The following FIBCD1 variants were observed in gnomAD, a reference collection of about 807,000 sequenced individuals.
FIBCD1 encodes fibrinogen C domain containing 1, also known as fibrinogen C domain-containing protein 1.
In FIBCD1, 47 loss-of-function variants were observed where a neutral mutation model predicts 45.1. That is an observed-to-expected ratio of 1.04 (90% CI 0.82 to 1.33). The LOEUF is 1.33. FIBCD1 is among the 40% of genes most tolerant of loss of function. The pLI, the probability that FIBCD1 is intolerant of heterozygous loss-of-function variation, is 0.00. For synonymous variants in FIBCD1, 313 were observed against 308.1 expected, an observed-to-expected ratio of 1.02 and a Z score of -0.17; for missense variants, 653 against 682.2, an observed-to-expected ratio of 0.96 and a Z score of 0.48.
Position 130,939,126 on chromosome 9 carries a change from G to A in FIBCD1, c.-519C>T, listed in dbSNP as rs1328884617. The A allele has an allele frequency of 1.3e-5, 2 of 152,080 alleles. No homozygotes were observed. Among genetic ancestry groups the A allele is most frequent in the Non-Finnish European group, 2.9e-5 (2 of 68,028 alleles). The allele number at this position is 152,080 out of a possible 1,614,324, so 9.4% of individuals were successfully genotyped here. A position where few individuals can be genotyped will look rare whatever the true frequency, so the allele number is the denominator to read the frequency against. On this transcript the variant is annotated 5_prime_UTR_variant, in exon 1 of 7. Coordinates refer to ENST00000372338, the MANE Select transcript of FIBCD1 (RefSeq NM_032843.5). ...CGGCCGGAGGGCAGCAAACAGCCGC[G>A]GGCGGCCCGGCTCCTGCTGGCTCCC...
Position 130,924,332 on chromosome 9 carries a change from G to A in FIBCD1, c.617C>T (p.Ala206Val), listed in dbSNP as rs1832320827. The A allele has an allele frequency of 6.2e-7, 1 of 1,608,262 alleles. No individual in the cohort carries two copies. The highest frequency in any genetic ancestry group is 1.7e-5 in the Admixed American group (1 of 59,560). Residue 206 changes from alanine (A) to valine (V), a missense_variant, in exon 3 of 7, where the codon GCC (alanine) becomes GTC (valine). Ala to Val is a moderately conservative substitution (Grantham distance 64). Transcript: ENST00000372338. ...GCCCAGCCCCCGGTCCCTCTGCAGG[G>A]CATCCAGGATGTCGCTGACGGAGTT... ...LVNSVSDILD[A>V]LQRDRGLGRP...
chr9:130,904,394 A>ACT, intron 6 of FIBCD1, 71 bp from the exon 7 acceptor site: 6 of 1,518,278 alleles, frequency 4.0e-6, no homozygotes, highest in Non-Finnish European at 5.3e-6. Context: ...ATGTGTGAGC[A>ACT]GACACCGAGA....
chr9:130,917,506 G>C (rs146671373), intron 4 of FIBCD1, among the ~76,000 whole-genome samples: 6 of 152,226 alleles, frequency 3.9e-5, no homozygotes, highest in Non-Finnish European at 5.9e-5. Context: ...AGCAGCCACC[G>C]ACGGCCCTGT....
chr9:130,928,176 T>C (rs564834852), intron 2 of FIBCD1, among the ~76,000 whole-genome samples: 1 of 152,294 alleles, frequency 6.6e-6, no homozygotes, highest in African/African-American at 2.4e-5. Flanking sequence ...TCAAACATTT[T>C]TGGGGAAGTA....
chr9:130,918,749 G>T lies in FIBCD1; in HGVS notation c.849+4995C>A, dbSNP rs1411729950. Among the ~76,000 whole-genome samples the T allele has an allele frequency of 2.0e-5, 3 of 152,332 alleles. 1 individual carries two copies. On this transcript the variant is annotated intron_variant, in intron 4 of 6. Coordinates refer to ENST00000372338, the MANE Select transcript of FIBCD1 (RefSeq NM_032843.5). ...ACCTCTGGGCAGTGCCCCCAGGGAG[G>T]CCTCTGGGCTCAGTCAGGAACAAGG...
chr9:130,906,708 G>T (rs1337562252), intron 5 of FIBCD1, among the ~76,000 whole-genome samples: 1 of 152,258 alleles, frequency 6.6e-6, no homozygotes, highest in African/African-American at 2.4e-5. Flanking sequence ...ATACACAAAA[G>T]GGCAGGTGGG....
At chr9:130,919,629 G>A (rs974665573) in intron 4 of FIBCD1, among the ~76,000 whole-genome samples, 3 of 152,184 alleles carry the variant, frequency 2.0e-5, no homozygotes, top group Non-Finnish European at 4.4e-5. Flanking sequence ...TCAGGTGGGG[G>A]GATGTGGGGG....
chr9:130,920,912 C>T (rs1430957864), intron 4 of FIBCD1, among the ~76,000 whole-genome samples: 2 of 152,224 alleles, frequency 1.3e-5, no homozygotes, highest in African/African-American at 2.4e-5. Context: ...CTGACCCCGG[C>T]TTGCTTTAGG....
At chr9:130,906,505 A>G (rs1831931629) in intron 5 of FIBCD1, among the ~76,000 whole-genome samples, 1 of 152,174 alleles carries the variant, frequency 6.6e-6, no homozygotes, top group African/African-American at 2.4e-5. Flanking sequence ...GGGAGGAGTC[A>G]CAGCAAAGCT....
chr9:130,907,601 A>T (rs1208970946), intron 5 of FIBCD1, among the ~76,000 whole-genome samples: 1 of 152,222 alleles, frequency 6.6e-6, no homozygotes, highest in Non-Finnish European at 1.5e-5. Context: ...AAACAACACT[A>T]GAAAAACAGA....
chr9:130,938,615 C>T lies in FIBCD1; in HGVS notation c.-8G>A, dbSNP rs1211699979. ...CCACCGGTCGTTGACCATCTTCCGG[C>T]AGGACTGGCGGGGGCGCCGGGCGAG... On this transcript the variant is annotated 5_prime_UTR_variant, in exon 1 of 7. Coordinates refer to ENST00000372338, the MANE Select transcript of FIBCD1 (RefSeq NM_032843.5). 1 of 1,448,006 alleles carries T rather than the reference C, an allele frequency of 6.9e-7. No homozygotes were observed. Among genetic ancestry groups the T allele is most frequent in the Non-Finnish European group, 9.1e-7 (1 of 1,099,954 alleles). The allele number at this position is 1,448,006 out of a possible 1,614,324, so 89.7% of individuals were successfully genotyped here.
intron 4 of FIBCD1, among the ~76,000 whole-genome samples, chr9:130,913,636 G>A (rs1832106511): frequency 6.6e-6 from 1 of 152,246 alleles, no homozygotes. Flanking sequence ...CGGGGTGGAA[G>A]GAAATTCGAT....
In FIBCD1 at chr9:130,932,960, C is replaced by T. The variant is rs535884449; in HGVS notation, c.73-2914G>A. 7.4e-4 allele frequency among the ~76,000 whole-genome samples: 112 copies of T among 152,310 alleles called. No individual in the cohort carries two copies. In the Middle Eastern group the frequency reaches 0.014, roughly 19 times the overall value. ...TGTAGCATTAAGGTCCCCTGGCGGG[C>T]GAGGCTGGGGCTGGCGTGGCAGAGA... On this transcript the variant is annotated intron_variant, in intron 1 of 6. Transcript: ENST00000372338.
chr9:130,930,065 C>A lies in FIBCD1; in HGVS notation c.73-19G>T. ...TCGGCCGCTGCAGGCCCGCCCGGGA[C>A]GCACAGACACAGACAGACAGACGGG... On this transcript the variant is annotated intron_variant, in intron 1 of 6. Transcript: ENST00000372338. 6.7e-7 allele frequency: 1 copy of A among 1,498,368 alleles called. No homozygotes were observed. 92.8% of individuals were successfully genotyped at this position (1,498,368 alleles called of 1,614,324 possible). A position where few individuals can be genotyped will look rare whatever the true frequency, so the allele number is the denominator to read the frequency against.
At chr9:130,919,788 G>A (rs1274504765) in intron 4 of FIBCD1, among the ~76,000 whole-genome samples, 1 of 152,218 alleles carries the variant, frequency 6.6e-6, no homozygotes, top group Non-Finnish European at 1.5e-5. Context: ...CCTGGGAGCG[G>A]AGCAGGTAGG....
chr9:130,918,249 C>T (rs1832200054), intron 4 of FIBCD1, among the ~76,000 whole-genome samples: 1 of 152,224 alleles, frequency 6.6e-6, no homozygotes, highest in Non-Finnish European at 1.5e-5. Context: ...GGAGTGAGTC[C>T]CTCTGCTGGG....
At chr9:130,920,686 C>G (rs1008971934) in intron 4 of FIBCD1, among the ~76,000 whole-genome samples, 2 of 152,098 alleles carry the variant, frequency 1.3e-5, no homozygotes, top group Non-Finnish European at 2.9e-5. Flanking sequence ...TGCCGCCAAA[C>G]CTCCTTAAAC....
At chr9:130,906,739 G>A (rs1173753251) in intron 5 of FIBCD1, among the ~76,000 whole-genome samples, 3 of 152,202 alleles carry the variant, frequency 2.0e-5, no homozygotes, top group Admixed American at 1.3e-4. Context: ...GACAACAGCC[G>A]CCACCTGGAC....
chr9:130,931,626 G>C (rs530683521), intron 1 of FIBCD1, among the ~76,000 whole-genome samples: 18 of 152,376 alleles, frequency 1.2e-4, no homozygotes, highest in African/African-American at 4.1e-4. Context: ...GGAGGTGCCA[G>C]AGCGTGGCCG....
Sources: allele counts gnomAD v4.1 joint callset (sites outside exome capture counted in the v4.1 genomes callset), GRCh38; gene constraint gnomAD v4.1.1; transcripts MANE v1.5; gene names NCBI Gene and HGNC (gene_info 2026-07-23, HGNC 2026-07-21).